Variants in LOC400499 observed in about 807,000 individuals in gnomAD.
chr16:11,485,383 C>T, the LOC400499 span, among the ~76,000 whole-genome samples: 2,236 of 152,308 alleles, frequency 0.015, 31 homozygotes, highest in Non-Finnish European at 0.022. Context: ...CTCTGCCCCA[C>T]ACACAATATA....
the LOC400499 span, among the ~76,000 whole-genome samples, chr16:11,483,304 T>A: frequency 2.0e-5 from 3 of 152,206 alleles, no homozygotes; most frequent in African/African-American, 7.2e-5. Context: ...CCACACCTAC[T>A]AATTATTCAA....
At chr16:11,521,561 A>C in the LOC400499 span, among the ~76,000 whole-genome samples, 1 of 152,094 alleles carries the variant, frequency 6.6e-6, no homozygotes, top group Non-Finnish European at 1.5e-5. Context: ...ATAGACTTCC[A>C]CCCAGTCTAT....
At chr16:11,383,071 C>CTTTTTT in the LOC400499 span, among the ~76,000 whole-genome samples, 1 of 145,126 alleles carries the variant, frequency 6.9e-6, no homozygotes, top group African/African-American at 2.5e-5. Flanking sequence ...GTGCCAGGGT[C>CTTTTTT]TTTTTTTTTT....
At chr16:11,508,217 G>A in the LOC400499 span, among the ~76,000 whole-genome samples, 3 of 152,160 alleles carry the variant, frequency 2.0e-5, no homozygotes, top group Admixed American at 6.5e-5. Flanking sequence ...CAGATGGTGA[G>A]GAGAATCTCA....
chr16:11,389,124 C>T, the LOC400499 span, among the ~76,000 whole-genome samples: 1 of 152,242 alleles, frequency 6.6e-6, no homozygotes, highest in African/African-American at 2.4e-5. Flanking sequence ...CTCTCCCAGG[C>T]CTTTGTGCAG....
the LOC400499 span, among the ~76,000 whole-genome samples, chr16:11,462,768 G>A: frequency 6.6e-6 from 1 of 152,128 alleles, no homozygotes; most frequent in Admixed American, 6.6e-5. Context: ...TTAGAAACCT[G>A]TGTTACAAAC....
chr16:11,387,244 G>A, the LOC400499 span: 1 of 1,232,278 alleles, frequency 8.1e-7, no homozygotes, highest in Non-Finnish European at 1.0e-6. Flanking sequence ...CCACGTCCAG[G>A]GGCTCGTCCC....
chr16:11,415,259 A>G, the LOC400499 span, among the ~76,000 whole-genome samples: 1 of 152,158 alleles, frequency 6.6e-6, no homozygotes, highest in African/African-American at 2.4e-5. Flanking sequence ...TATACAGAGA[A>G]ACTCATCGGG....
the LOC400499 span, among the ~76,000 whole-genome samples, chr16:11,426,704 G>A: frequency 2.0e-5 from 3 of 151,594 alleles, no homozygotes; most frequent in Non-Finnish European, 2.9e-5. Flanking sequence ...TGAGGTAGGA[G>A]GATTGTTTAA....
the LOC400499 span, among the ~76,000 whole-genome samples, chr16:11,526,741 T>C: frequency 3.9e-5 from 6 of 152,222 alleles, no homozygotes. Context: ...AGACAATGTC[T>C]CACTCTGTCG....
At chr16:11,447,199 C>T in the LOC400499 span, among the ~76,000 whole-genome samples, 5 of 152,230 alleles carry the variant, frequency 3.3e-5, no homozygotes, top group Admixed American at 6.5e-5. Flanking sequence ...TGGTGTCACA[C>T]AGACTGGGAT....
At chr16:11,416,451 T>A in the LOC400499 span, among the ~76,000 whole-genome samples, 2 of 152,142 alleles carry the variant, frequency 1.3e-5, no homozygotes, top group Non-Finnish European at 2.9e-5. Flanking sequence ...CCATTCCTCA[T>A]CTGCAGAATG....
At chr16:11,403,665 G>A in the LOC400499 span, among the ~76,000 whole-genome samples, 2 of 152,238 alleles carry the variant, frequency 1.3e-5, no homozygotes, top group East Asian at 1.9e-4. Flanking sequence ...CTGGCAGGCT[G>A]TGGGTCGGGC....
chr16:11,440,294 C>T, the LOC400499 span, among the ~76,000 whole-genome samples: 46 of 152,314 alleles, frequency 3.0e-4, 1 homozygote, highest in Middle Eastern at 6.8e-3. Flanking sequence ...ATAGCTAAAA[C>T]TACATTTCCC....
chr16:11,489,684 C>T, the LOC400499 span, among the ~76,000 whole-genome samples: 1 of 152,232 alleles, frequency 6.6e-6, no homozygotes, highest in Non-Finnish European at 1.5e-5. Context: ...CCCAGGGCCA[C>T]TGTGGAGGCT....
At chr16:11,407,666 C>G in the LOC400499 span, among the ~76,000 whole-genome samples, 1 of 152,204 alleles carries the variant, frequency 6.6e-6, no homozygotes, top group Non-Finnish European at 1.5e-5. Flanking sequence ...GGCAGTCTAG[C>G]AGAAAGAATT....
At chr16:11,372,921 TC>T in the LOC400499 span, among the ~76,000 whole-genome samples, 252 of 152,206 alleles carry the variant, frequency 1.7e-3, no homozygotes, top group African/African-American at 5.7e-3. Flanking sequence ...GGTCAATGAG[TC>T]CCCTACAGCT....
At chr16:11,521,188 G>A in the LOC400499 span, among the ~76,000 whole-genome samples, 31 of 152,086 alleles carry the variant, frequency 2.0e-4, no homozygotes, top group Non-Finnish European at 3.4e-4. Context: ...ACAACAAAAC[G>A]GCTTTGAGAA....
the LOC400499 span, among the ~76,000 whole-genome samples, chr16:11,405,066 G>A: frequency 6.6e-6 from 1 of 152,234 alleles, no homozygotes. Flanking sequence ...AGGAGTAGGT[G>A]AGGGGAGTAT....
Sources: gnomAD v4.1 joint callset for allele counts (sites outside exome capture counted in the v4.1 genomes callset) on GRCh38, gnomAD v4.1.1 for gene constraint, MANE v1.5 for transcripts.